Variants in COLGALT2 observed in about 807,000 individuals in gnomAD.
The protein encoded by COLGALT2 is procollagen galactosyltransferase 2.
COLGALT2 carries 49 observed loss-of-function variants against 73.4 expected under a neutral mutation model. The ratio of observed to expected loss-of-function variants is 0.67; its 90% CI spans 0.53 to 0.85. The LOEUF (loss-of-function observed/expected upper bound fraction) is 0.85. Ranked by LOEUF, COLGALT2 falls within the 40% of genes least tolerant of loss-of-function variation. COLGALT2 has a pLI of 0.00. For synonymous variants in COLGALT2, 295 were observed against 307.6 expected, an observed-to-expected ratio of 0.96 and a Z score of 0.43; for missense variants, 722 against 790.2, an observed-to-expected ratio of 0.91 and a Z score of 1.03.
rs1670605053 is a variant in COLGALT2 at position 183,958,206 on chromosome 1, CCTCA to C, written c.953-3372_953-3369del. On this transcript the variant is annotated intron_variant, in intron 6 of 11. Transcript: ENST00000361927. ...CATTGTCGTCATAACCCTTCTCCCACCTCACTCAAATTCTTCAACTCTGATTTCT... is the reference window on the plus strand; with the variant it reads ...CATTGTCGTCATAACCCTTCTCCCACCTCAAATTCTTCAACTCTGATTTCT... 2.0e-5 allele frequency among the ~76,000 whole-genome samples: 3 copies of C among 152,132 alleles called. No individual in the cohort carries two copies. In the South Asian group the frequency reaches 6.2e-4, roughly 32 times the overall value.
At chr1:183,947,908 T>C (rs1670293557) in intron 8 of COLGALT2, among the ~76,000 whole-genome samples, 1 of 151,434 alleles carries the variant, frequency 6.6e-6, no homozygotes, top group South Asian at 2.1e-4. Flanking sequence ...GAAAGAGGGG[T>C]CACTCCTACT....
downstream of COLGALT2, among the ~76,000 whole-genome samples, chr1:183,934,582 T>G (rs925936327): frequency 6.6e-6 from 1 of 152,254 alleles, no homozygotes; most frequent in East Asian, 1.9e-4. Flanking sequence ...CAGCCTCATT[T>G]TAACTTTACT....
chr1:184,026,926 C>T (rs1649349910), intron 1 of COLGALT2, among the ~76,000 whole-genome samples: 2 of 152,106 alleles, frequency 1.3e-5, no homozygotes, highest in African/African-American at 4.8e-5. Flanking sequence ...GCTTAATGAA[C>T]TCATTGTGTA....
At chr1:183,939,063 C>CA in intron 11 of COLGALT2, 26 bp from the exon 12 acceptor site, 1 of 1,581,354 alleles carries the variant, frequency 6.3e-7, no homozygotes, top group Non-Finnish European at 8.7e-7. Context: ...TGGCCGGACA[C>CA]ATGAGGGGGC....
intron 1 of COLGALT2, among the ~76,000 whole-genome samples, chr1:184,029,670 G>A (rs1649447530): frequency 6.6e-6 from 1 of 152,208 alleles, no homozygotes; most frequent in Non-Finnish European, 1.5e-5. Context: ...TATGATATAT[G>A]AACTTTTGGA....
chr1:183,934,253 G>A (rs955124176), downstream of COLGALT2, among the ~76,000 whole-genome samples: 1 of 152,146 alleles, frequency 6.6e-6, no homozygotes, highest in African/African-American at 2.4e-5. Flanking sequence ...GTAATCTTTT[G>A]TAATATAATG....
At chr1:184,031,783 A>G (rs370396215) in intron 1 of COLGALT2, among the ~76,000 whole-genome samples, 1 of 152,022 alleles carries the variant, frequency 6.6e-6, no homozygotes, top group African/African-American at 2.4e-5. Context: ...CAGTTTTGAT[A>G]CCAAAGTGTC....
At chr1:184,036,904 C>T (rs1227840282) in intron 1 of COLGALT2, among the ~76,000 whole-genome samples, 191 bp downstream of exon 1, 1 of 152,184 alleles carries the variant, frequency 6.6e-6, no homozygotes, top group Non-Finnish European at 1.5e-5. Flanking sequence ...GCGCGTCCCT[C>T]CGCAGCCTGA....
chr1:184,011,560 T>A (rs532718988), intron 1 of COLGALT2, among the ~76,000 whole-genome samples: 1 of 152,188 alleles, frequency 6.6e-6, no homozygotes, highest in African/African-American at 2.4e-5. Flanking sequence ...AGCCAGACAG[T>A]AGGTGCAAAC....
In COLGALT2 at chr1:183,936,609, C is replaced by A; in HGVS notation, c.*2152G>T. The A allele has an allele frequency of 2.5e-6, 3 of 1,184,742 alleles. No individual in the cohort carries two copies. Among genetic ancestry groups the A allele is most frequent in the East Asian group, 7.3e-5 (2 of 27,378 alleles). 73.4% of individuals were successfully genotyped at this position (1,184,742 alleles called of 1,614,324 possible). On this transcript the variant is annotated 3_prime_UTR_variant, in exon 12 of 12. Transcript: ENST00000361927. ...CCCAGCACCCCAGCCACCTCCCACC[C>A]CATTAAAAAAGTCATTAAAGTCATG... is the stretch of plus-strand genomic sequence containing the variant.
intron 2 of COLGALT2, among the ~76,000 whole-genome samples, chr1:183,977,812 A>AAGAGAGAGAGAGAGAG (rs59481089): frequency 0.025 from 1,319 of 52,388 alleles, 15 homozygotes; most frequent in Non-Finnish European, 0.048. Context: ...GAAAGAGAGA[A>AAGAGAGAGAGAGAGAG]AGAGAGAGAG....
At chr1:184,035,023 G>A (rs1303116339) in intron 1 of COLGALT2, among the ~76,000 whole-genome samples, 1 of 152,208 alleles carries the variant, frequency 6.6e-6, no homozygotes, top group African/African-American at 2.4e-5. Context: ...TCAAAGAAGA[G>A]TCTTCAATGA....
At chr1:183,957,664 C>T (rs1270047608) in intron 6 of COLGALT2, among the ~76,000 whole-genome samples, 1 of 152,010 alleles carries the variant, frequency 6.6e-6, no homozygotes, top group Non-Finnish European at 1.5e-5. Flanking sequence ...TCTTCCGCCG[C>T]ACAGCTCTGT....
At chr1:183,975,677 C>A (rs1671170287) in intron 2 of COLGALT2, among the ~76,000 whole-genome samples, 1 of 152,194 alleles carries the variant, frequency 6.6e-6, no homozygotes, top group African/African-American at 2.4e-5. Context: ...AAGGTTTAAT[C>A]TACTTGTTGG....
In COLGALT2 at chr1:183,964,035, G is replaced by A. The variant is rs868517385; in HGVS notation, c.833-15C>T. 3 of 1,612,356 alleles carry A rather than the reference G, an allele frequency of 1.9e-6. No homozygotes were observed. Among genetic ancestry groups the A allele is most frequent in the Middle Eastern group, 3.3e-4 (2 of 6,052 alleles). ...CATCTGGATGCCTGAGGATCCAAGA[G>A]AGGGACAAAGCCAACAATCAGAAAA... On this transcript the variant is annotated splice_polypyrimidine_tract_variant and intron_variant, in intron 5 of 11. Transcript: ENST00000361927.
intron 9 of COLGALT2, 24 bp downstream of exon 9, chr1:183,945,408 C>T (rs374520027): frequency 1.2e-5 from 19 of 1,610,714 alleles, no homozygotes; most frequent in Non-Finnish European, 1.5e-5. Context: ...CATAAAACTG[C>T]AATCTGAATA....
chr1:183,987,272 C>G (rs886542471), intron 1 of COLGALT2, among the ~76,000 whole-genome samples: 3 of 152,194 alleles, frequency 2.0e-5, no homozygotes, highest in African/African-American at 7.2e-5. Context: ...ACCTTTTTCA[C>G]CCACTCATCA....
intron 3 of COLGALT2, among the ~76,000 whole-genome samples, chr1:183,974,738 C>A (rs1428788473): frequency 6.6e-6 from 1 of 152,166 alleles, no homozygotes; most frequent in Non-Finnish European, 1.5e-5. Context: ...TAGATAATTA[C>A]TTTTTCATAT....
intron 4 of COLGALT2, 52 bp downstream of exon 4, chr1:183,973,564 G>A (rs1671107273): frequency 1.2e-6 from 2 of 1,607,854 alleles, no homozygotes; most frequent in African/African-American, 1.3e-5. Flanking sequence ...TGTTGACCGG[G>A]TGTTGCCTTG....
Sources: allele counts gnomAD v4.1 joint callset (sites outside exome capture counted in the v4.1 genomes callset), GRCh38; gene constraint gnomAD v4.1.1; transcripts MANE v1.5; gene names NCBI Gene and HGNC (gene_info 2026-07-23, HGNC 2026-07-21).